Variants in ACYP2 observed in about 807,000 individuals in gnomAD.
ACYP2 encodes acylphosphatase 2, also known as acylphosphatase-2.
A neutral mutation model predicts 11.2 loss-of-function variants in ACYP2; 12 were observed. The ratio of observed to expected loss-of-function variants is 1.08; its 90% CI spans 0.69 to 1.74. ACYP2 has a LOEUF of 1.74. ACYP2 is among the 40% of genes most tolerant of loss of function. The pLI is 0.00. For synonymous variants in ACYP2, 43 were observed against 32.2 expected (o/e 1.33, Z -1.13); for missense variants, 134 against 101.9 (o/e 1.31, Z -1.35).
intron 6 of ACYP2, among the ~76,000 whole-genome samples, chr2:54,148,105 A>T (rs185779063): frequency 2.0e-5 from 3 of 152,282 alleles, no homozygotes. Context: ...ATCCACAGTT[A>T]AGGCAGGAAC....
chr2:54,297,576 G>T (rs1447364224), intron 6 of ACYP2, among the ~76,000 whole-genome samples: 1 of 151,978 alleles, frequency 6.6e-6, no homozygotes, highest in African/African-American at 2.4e-5. Context: ...ATGAATTTGG[G>T]GAAAATAATT....
chr2:54,255,894 C>T (rs374633280), intron 6 of ACYP2: 39 of 1,613,936 alleles, frequency 2.4e-5, no homozygotes, highest in Middle Eastern at 1.6e-4. Context: ...CTTCCTGCCC[C>T]GCTTTGATGG....
At position 54,274,667 on chromosome 2, in the gene ACYP2, A is replaced by C. The variant is rs551385555; in HGVS notation, c.405-30021A>C. 2.2e-4 allele frequency among the ~76,000 whole-genome samples: 33 copies of C among 151,254 alleles called. No homozygotes were observed. In the South Asian group the frequency reaches 6.3e-3, roughly 29 times the overall value. ...AAAAAAAAAAAAGTTCTCTGAAACTAAAAGAAAAATCTAGGGAAATTAAAC... is the reference window on the plus strand; with the variant it reads ...AAAAAAAAAAAAGTTCTCTGAAACTCAAAGAAAAATCTAGGGAAATTAAAC... On this transcript the variant is annotated intron_variant, in intron 6 of 6. Transcript: ENST00000607452.
At chr2:53,978,011 C>T (rs1055341294) in intron 2 of ACYP2, among the ~76,000 whole-genome samples, 3 of 152,080 alleles carry the variant, frequency 2.0e-5, no homozygotes, top group Admixed American at 6.6e-5. Flanking sequence ...CCTGTAATCC[C>T]AGCACTTTGG....
intron 6 of ACYP2, among the ~76,000 whole-genome samples, chr2:54,219,883 A>G (rs10207549): frequency 0.71 from 44,244 of 62,386 alleles, 14,513 homozygotes; most frequent in African/African-American, 0.72. Flanking sequence ...GTGTGTGTGT[A>G]TATATATATA....
At chr2:54,297,116 T>G (rs1188355393) in intron 6 of ACYP2, among the ~76,000 whole-genome samples, 1 of 144,120 alleles carries the variant, frequency 6.9e-6, no homozygotes, top group Non-Finnish European at 1.5e-5. Context: ...ACTTTTCCTG[T>G]TTTTTTTTTT....
At chr2:54,294,398 C>G (rs1410508575) in intron 6 of ACYP2, among the ~76,000 whole-genome samples, 2 of 152,040 alleles carry the variant, frequency 1.3e-5, no homozygotes, top group Non-Finnish European at 2.9e-5. Flanking sequence ...GGGCAGTTTT[C>G]AAATGGAGTC....
intron 6 of ACYP2, among the ~76,000 whole-genome samples, chr2:54,265,017 A>C (rs1353058406): frequency 1.3e-5 from 2 of 152,192 alleles, no homozygotes; most frequent in African/African-American, 2.4e-5. Flanking sequence ...GAGGAAAGAA[A>C]ATATAGCAAA....
At chr2:54,000,527 G>T (rs772953731) in intron 2 of ACYP2, among the ~76,000 whole-genome samples, 1 of 152,194 alleles carries the variant, frequency 6.6e-6, no homozygotes, top group African/African-American at 2.4e-5. Flanking sequence ...GATAGGCTGG[G>T]TTATGCTGTG....
chr2:54,195,803 T>G (rs1684448807), intron 6 of ACYP2, among the ~76,000 whole-genome samples: 1 of 139,852 alleles, frequency 7.2e-6, no homozygotes, highest in Admixed American at 7.1e-5. Flanking sequence ...GGTTTTTTTT[T>G]TTTTTTTTTT....
At chr2:54,304,621 G>T in intron 6 of ACYP2, 67 bp from the exon 4 acceptor site, 2 of 1,094,938 alleles carry the variant, frequency 1.8e-6, no homozygotes, top group South Asian at 1.4e-5. Flanking sequence ...ACCTACTGTG[G>T]GCTCATTTTA....
chr2:54,068,205 T>G (rs1207106022), intron 4 of ACYP2, among the ~76,000 whole-genome samples: 3 of 152,224 alleles, frequency 2.0e-5, no homozygotes, highest in African/African-American at 7.2e-5. Context: ...ATGTTTTTGT[T>G]GAATTTGAGA....
chr2:54,206,130 T>C (rs1685061760), intron 6 of ACYP2, among the ~76,000 whole-genome samples: 1 of 152,216 alleles, frequency 6.6e-6, no homozygotes, highest in African/African-American at 2.4e-5. Context: ...TGATGGGGCA[T>C]GCACACTGCC....
At chr2:54,085,817 T>G (rs185039566) in intron 4 of ACYP2, among the ~76,000 whole-genome samples, 237 of 152,322 alleles carry the variant, frequency 1.6e-3, no homozygotes, top group Non-Finnish European at 2.9e-3. Flanking sequence ...AATTATATCA[T>G]TCTTTCAACT....
chr2:54,270,575 C>G (rs1688249876), intron 6 of ACYP2, among the ~76,000 whole-genome samples: 1 of 151,804 alleles, frequency 6.6e-6, no homozygotes, highest in Non-Finnish European at 1.5e-5. Context: ...CAACTACACT[C>G]CAGCCTGGGT....
chr2:54,062,480 G>A (rs1340703518), intron 4 of ACYP2, among the ~76,000 whole-genome samples: 1 of 152,066 alleles, frequency 6.6e-6, no homozygotes, highest in Non-Finnish European at 1.5e-5. Flanking sequence ...AATAAATCTG[G>A]TTCCACTTTT....
chr2:54,027,802 G>A (rs1016910008), intron 2 of ACYP2, among the ~76,000 whole-genome samples: 1 of 148,576 alleles, frequency 6.7e-6, no homozygotes, highest in Admixed American at 6.7e-5. Flanking sequence ...TAGGATATCA[G>A]ATTATATTTA....
intron 4 of ACYP2, among the ~76,000 whole-genome samples, chr2:54,132,019 T>C (rs1445024851): frequency 6.6e-6 from 1 of 151,668 alleles, no homozygotes; most frequent in African/African-American, 2.4e-5. Flanking sequence ...CCATTGCAAG[T>C]GCTTTCTCTT....
At chr2:54,281,918 A>G (rs1688864546) in intron 6 of ACYP2, among the ~76,000 whole-genome samples, 1 of 152,244 alleles carries the variant, frequency 6.6e-6, no homozygotes, top group South Asian at 2.1e-4. Flanking sequence ...TGAATGAGTT[A>G]TAACAGAAGC....
Sources: gnomAD v4.1 joint callset for allele counts (sites outside exome capture counted in the v4.1 genomes callset) on GRCh38, gnomAD v4.1.1 for gene constraint, MANE v1.5 for transcripts, NCBI Gene and HGNC (gene_info 2026-07-23, HGNC 2026-07-21) for gene names.